Variants in GPHN observed in about 807,000 individuals in gnomAD.
GPHN encodes the protein gephyrin.
GPHN carries 17 observed loss-of-function variants against 95.5 expected under a neutral mutation model. The observed-to-expected ratio is 0.18, with a 90% CI of 0.12 to 0.27. The LOEUF is 0.27. Ranked by LOEUF, GPHN falls within the 10% of genes least tolerant of loss-of-function variation. The probability of loss-of-function intolerance (pLI) is 1.00; values close to 1 mark genes in which losing one functional copy is unlikely to be tolerated. For synonymous variants in GPHN, 320 were observed against 322.5 expected, an observed-to-expected ratio of 0.99 and a Z score of 0.08; for missense variants, 660 against 978.1, an observed-to-expected ratio of 0.67 and a Z score of 4.34.
At chr14:67,325,813 C>CTTT in the GPHN span, among the ~76,000 whole-genome samples, 1 of 142,968 alleles carries the variant, frequency 7.0e-6, no homozygotes. Flanking sequence ...TGTTAAGCAT[C>CTTT]TTTTTTTTTT....
the GPHN span, chr14:67,642,044 A>C: frequency 1.2e-6 from 1 of 832,170 alleles, no homozygotes; most frequent in South Asian, 1.8e-5. Flanking sequence ...TAATCTTCCC[A>C]CAATCATTTG....
intron 4 of GPHN, among the ~76,000 whole-genome samples, chr14:66,830,397 C>A (rs1343186070): frequency 6.6e-6 from 1 of 151,888 alleles, no homozygotes; most frequent in Non-Finnish European, 1.5e-5. Flanking sequence ...ATATAGAATT[C>A]TGCACTTTAA....
intron 9 of GPHN, among the ~76,000 whole-genome samples, chr14:67,020,694 C>A (rs1156315646): frequency 1.3e-5 from 2 of 152,012 alleles, no homozygotes; most frequent in African/African-American, 4.8e-5. Context: ...ATATAATATG[C>A]TGTTCCTACA....
the GPHN span, among the ~76,000 whole-genome samples, chr14:67,460,711 A>G: frequency 1.3e-5 from 2 of 152,160 alleles, no homozygotes; most frequent in African/African-American, 2.4e-5. Flanking sequence ...CAAAAAACAA[A>G]CAAACAAACA....
chr14:67,194,995 A>G, the GPHN span, among the ~76,000 whole-genome samples: 1 of 152,124 alleles, frequency 6.6e-6, no homozygotes, highest in Non-Finnish European at 1.5e-5. Context: ...GTGAGCCACC[A>G]CGCCCAAGCC....
rs572392817 is a variant in GPHN at position 66,794,733 on chromosome 14, T to C, written c.201+18212T>C. Among the ~76,000 whole-genome samples the C allele has an allele frequency of 5.4e-4, 82 of 152,210 alleles. 1 individual carries two copies. Among genetic ancestry groups the C allele is most frequent in the Non-Finnish European group, 1.1e-3 (74 of 68,032 alleles). Reference sequence around the variant, plus strand: ...CCAGTAGATTGTCTACTTTGGTAATTATTAACATTTGATCTTGAAGAGGTC... The same window carrying C: ...CCAGTAGATTGTCTACTTTGGTAATCATTAACATTTGATCTTGAAGAGGTC... On this transcript the variant is annotated intron_variant, in intron 3 of 22. Transcript: ENST00000478722.
the GPHN span, among the ~76,000 whole-genome samples, chr14:67,667,929 G>C: frequency 6.6e-6 from 1 of 152,006 alleles, no homozygotes; most frequent in Non-Finnish European, 1.5e-5. Flanking sequence ...GGGTGAAAGA[G>C]CAACACTCCA....
chr14:66,749,165 A>G (rs537054200), intron 2 of GPHN, among the ~76,000 whole-genome samples: 7 of 152,012 alleles, frequency 4.6e-5, no homozygotes, highest in African/African-American at 1.4e-4. Context: ...AGTTTCCTCC[A>G]TGTCTTTTCA....
chr14:66,578,449 G>A (rs2060995481), intron 1 of GPHN, among the ~76,000 whole-genome samples: 1 of 151,618 alleles, frequency 6.6e-6, no homozygotes, highest in Non-Finnish European at 1.5e-5. Flanking sequence ...AGATATAAAT[G>A]TCCACACATA....
In GPHN at chr14:67,110,243, T is replaced by C. The variant is rs2078289535; in HGVS notation, c.1397T>C (p.Ile466Thr). The C allele has an allele frequency of 6.2e-7, 1 of 1,613,724 alleles. No homozygotes were observed. The highest frequency in any genetic ancestry group is 8.5e-7 in the Non-Finnish European group (1 of 1,179,642). Residue 466 changes from isoleucine to threonine, a missense_variant, in exon 14 of 23, where the codon ATC becomes ACC. Ile to Thr is a moderately conservative substitution (Grantham distance 89). Transcript: ENST00000478722. ...AVVQVEDTELIRESDDGTEEL... is the reference protein window; with the variant it reads ...AVVQVEDTELTRESDDGTEEL... ...GTACAAGTGGAAGATACCGAACTTA[T>C]CAGGGAATCAGATGATGTACGTCAT...
intron 5 of GPHN, among the ~76,000 whole-genome samples, chr14:66,909,170 T>C (rs1423675404): frequency 6.6e-6 from 1 of 152,146 alleles, no homozygotes; most frequent in African/African-American, 2.4e-5. Flanking sequence ...ATCTTCTGCA[T>C]TTTTCTGTAA....
At chr14:67,657,516 C>G in the GPHN span, among the ~76,000 whole-genome samples, 1 of 152,084 alleles carries the variant, frequency 6.6e-6, no homozygotes. Flanking sequence ...AAAAAAGTAG[C>G]CTTGTCAGGC....
chr14:67,696,210 G>A, the GPHN span, among the ~76,000 whole-genome samples: 5 of 151,962 alleles, frequency 3.3e-5, no homozygotes, highest in Non-Finnish European at 7.4e-5. Context: ...TAGGCACCGC[G>A]GTGTTTGTGA....
chr14:67,282,172 A>T, the GPHN span, among the ~76,000 whole-genome samples: 2 of 152,166 alleles, frequency 1.3e-5, no homozygotes, highest in African/African-American at 4.8e-5. Flanking sequence ...CTTTTTGTTT[A>T]AAGTGAAGTG....
At chr14:67,731,549 T>C in the GPHN span, among the ~76,000 whole-genome samples, 1 of 152,026 alleles carries the variant, frequency 6.6e-6, no homozygotes. Flanking sequence ...GTTGCTACTC[T>C]AGAGTCTGAG....
chr14:66,813,734 T>C (rs2060850643), intron 3 of GPHN, among the ~76,000 whole-genome samples: 1 of 152,194 alleles, frequency 6.6e-6, no homozygotes, highest in African/African-American at 2.4e-5. Context: ...ACTTTAGTCC[T>C]AGGAGAACTG....
chr14:66,847,904 A>T (rs1255387828), intron 4 of GPHN, among the ~76,000 whole-genome samples: 1 of 152,034 alleles, frequency 6.6e-6, no homozygotes, highest in Non-Finnish European at 1.5e-5. Context: ...GCTGGCAGAA[A>T]CTAACTCATG....
At chr14:67,427,099 C>T in the GPHN span, among the ~76,000 whole-genome samples, 1 of 151,230 alleles carries the variant, frequency 6.6e-6, no homozygotes, top group Non-Finnish European at 1.5e-5. Context: ...TTGGAGGTAG[C>T]CAGAGTGTAT....
At chr14:67,007,702 T>C (rs1338548111) in intron 9 of GPHN, among the ~76,000 whole-genome samples, 1 of 152,218 alleles carries the variant, frequency 6.6e-6, no homozygotes, top group African/African-American at 2.4e-5. Context: ...GTCACTGTGC[T>C]TTCACTTGCA....
Sources: allele counts gnomAD v4.1 joint callset (sites outside exome capture counted in the v4.1 genomes callset), GRCh38; gene constraint gnomAD v4.1.1; transcripts MANE v1.5; gene names NCBI Gene and HGNC (gene_info 2026-07-23, HGNC 2026-07-21).